NINJ2: variants seen among roughly 807,000 people sequenced by gnomAD.
The protein encoded by NINJ2 is ninjurin 2.
Under a neutral mutation model 11.7 loss-of-function variants are expected in NINJ2, and 12 were observed. The observed-to-expected ratio is 1.02, with a 90% CI of 0.66 to 1.66. NINJ2 has a LOEUF of 1.66. Ranked by LOEUF, NINJ2 falls within the 40% of genes most tolerant of loss-of-function variation. NINJ2 has a pLI of 0.00. For synonymous variants in NINJ2, 93 were observed against 76.8 expected (o/e 1.21, Z -1.10); for missense variants, 187 against 181.8 (o/e 1.03, Z -0.16).
chr12:603,227 G>T (rs772656572), intron 1 of NINJ2, among the ~76,000 whole-genome samples: 2 of 151,988 alleles, frequency 1.3e-5, no homozygotes, highest in Non-Finnish European at 2.9e-5. Context: ...ATTTTCTTTG[G>T]AAAAATGTTT....
chr12:611,257 CTTTCTT>C (rs201041506), intron 1 of NINJ2, among the ~76,000 whole-genome samples: 27,744 of 85,714 alleles, frequency 0.32, 2,776 homozygotes, highest in African/African-American at 0.45. Flanking sequence ...CTCTCTCTCT[CTTTCTT>C]TCTTTCTTTC....
At chr12:624,677 C>A (rs1375240993) in intron 1 of NINJ2, among the ~76,000 whole-genome samples, 1 of 150,826 alleles carries the variant, frequency 6.6e-6, no homozygotes, top group Non-Finnish European at 1.5e-5. Context: ...GGCGTGGTGG[C>A]ATGTGCCTGT....
intron 1 of NINJ2, among the ~76,000 whole-genome samples, chr12:609,240 C>T (rs1299071645): frequency 7.8e-6 from 1 of 128,524 alleles, no homozygotes; most frequent in Non-Finnish European, 1.8e-5. Flanking sequence ...GCACGCACGG[C>T]GCCACGCTAG....
chr12:575,978 G>T (rs1947452472), intron 1 of NINJ2, among the ~76,000 whole-genome samples: 1 of 152,218 alleles, frequency 6.6e-6, no homozygotes, highest in Non-Finnish European at 1.5e-5. Flanking sequence ...TAAAAGCCCA[G>T]ACCCCTGAGG....
At position 565,070 on chromosome 12, in the gene NINJ2, C is replaced by G. The variant is rs1397741075; in HGVS notation, c.*18+147G>C. ...TTGTGCAAGCCTCGCTGAGGCCAGG[C>G]TCTTGCAGATCCTCTCCTTGCTCTC... On this transcript the variant is annotated intron_variant, in intron 3 of 3. Coordinates refer to ENST00000305108, the MANE Select transcript of NINJ2 (RefSeq NM_016533.6). The G allele has an allele frequency of 4.7e-6, 3 of 641,638 alleles. No individual in the cohort carries two copies. In the East Asian group the frequency reaches 8.5e-5, roughly 18 times the overall value. The allele number at this position is 641,638 out of a possible 1,614,324, so 39.7% of individuals were successfully genotyped here.
At chr12:649,754 C>A (rs1013419033) in intron 1 of NINJ2, among the ~76,000 whole-genome samples, 1 of 151,502 alleles carries the variant, frequency 6.6e-6, no homozygotes, top group African/African-American at 2.4e-5. Context: ...CTAGTATTAA[C>A]CTTTTGGTTT....
chr12:618,728 T>A (rs1948121681), intron 1 of NINJ2, among the ~76,000 whole-genome samples: 1 of 152,156 alleles, frequency 6.6e-6, no homozygotes, highest in African/African-American at 2.4e-5. Context: ...TCTGTCTCCA[T>A]CTGCAGGGAA....
At chr12:570,100 C>G (rs905553689) in intron 1 of NINJ2, among the ~76,000 whole-genome samples, 1 of 152,224 alleles carries the variant, frequency 6.6e-6, no homozygotes, top group African/African-American at 2.4e-5. Flanking sequence ...ACCCACCAAA[C>G]GCGTGCGTCA....
At chr12:662,631 T>A (rs1245613056) in intron 1 of NINJ2, among the ~76,000 whole-genome samples, 2 of 152,152 alleles carry the variant, frequency 1.3e-5, no homozygotes, top group African/African-American at 2.4e-5. Context: ...TTCGTTCTAT[T>A]CTATCCATTG....
intron 1 of NINJ2, among the ~76,000 whole-genome samples, chr12:623,372 G>C (rs765765505): frequency 4.6e-5 from 7 of 152,290 alleles, no homozygotes; most frequent in African/African-American, 1.7e-4. Flanking sequence ...CTTCACCTCA[G>C]GCCCTGTGTG....
chr12:629,893 A>AT (rs1307084325), intron 1 of NINJ2, among the ~76,000 whole-genome samples: 4 of 58,048 alleles, frequency 6.9e-5, no homozygotes, highest in Non-Finnish European at 8.6e-5. Flanking sequence ...AAAAAAAAAA[A>AT]AAAATATATA....
rs1376759138 is a variant in NINJ2 at position 621,905 on chromosome 12, G to A, written c.33+41423C>T. On this transcript the variant is annotated intron_variant, in intron 1 of 3. Transcript: ENST00000305108. The stretch of plus-strand genomic sequence containing the variant: ...TCCCAGCACTTTGGGAGGCCGAGGT[G>A]GGTGGATCACAAGGTCAGGAGTTCG... Among the ~76,000 whole-genome samples the A allele has an allele frequency of 2.0e-5, 3 of 152,014 alleles. No individual in the cohort carries two copies. In the East Asian group the frequency reaches 5.8e-4, roughly 29 times the overall value.
chr12:639,787 T>A (rs1948398109), intron 1 of NINJ2, among the ~76,000 whole-genome samples: 1 of 152,188 alleles, frequency 6.6e-6, no homozygotes, highest in Non-Finnish European at 1.5e-5. Context: ...CAAGTACAGC[T>A]CCAGCTATTA....
intron 1 of NINJ2, among the ~76,000 whole-genome samples, chr12:660,687 A>T (rs944929081): frequency 1.3e-5 from 2 of 151,146 alleles, no homozygotes; most frequent in African/African-American, 4.9e-5. Context: ...ATGGCCAGCT[A>T]TGGTGGCTCA....
At chr12:626,834 C>G (rs970852752) in intron 1 of NINJ2, among the ~76,000 whole-genome samples, 7 of 151,958 alleles carry the variant, frequency 4.6e-5, no homozygotes, top group African/African-American at 1.5e-4. Flanking sequence ...GCCTATAATC[C>G]CAGCACTTTG....
intron 1 of NINJ2, among the ~76,000 whole-genome samples, chr12:588,594 G>A (rs572087107): frequency 6.6e-6 from 1 of 152,280 alleles, no homozygotes; most frequent in African/African-American, 2.4e-5. Flanking sequence ...GTAAGTTACA[G>A]ACAAAACCCA....
chr12:650,225 C>T (rs950987091), intron 1 of NINJ2, among the ~76,000 whole-genome samples: 19 of 151,760 alleles, frequency 1.3e-4, no homozygotes, highest in African/African-American at 4.6e-4. Flanking sequence ...GCTGGGATTA[C>T]AGGCGCTCAC....
At chr12:599,613 T>C (rs1465739717) in intron 1 of NINJ2, among the ~76,000 whole-genome samples, 1 of 152,096 alleles carries the variant, frequency 6.6e-6, no homozygotes, top group Non-Finnish European at 1.5e-5. Context: ...CTCAGAGAGG[T>C]TAAGAGACTT....
At chr12:583,916 A>G (rs1947596101) in intron 1 of NINJ2, among the ~76,000 whole-genome samples, 1 of 152,190 alleles carries the variant, frequency 6.6e-6, no homozygotes, top group Non-Finnish European at 1.5e-5. Context: ...ATTTTTAAGG[A>G]TCTATATTTA....
Sources: gnomAD v4.1 joint callset for allele counts (sites outside exome capture counted in the v4.1 genomes callset) on GRCh38, gnomAD v4.1.1 for gene constraint, MANE v1.5 for transcripts, NCBI Gene and HGNC (gene_info 2026-07-23, HGNC 2026-07-21) for gene names.